Variants in ARMC2 observed in about 807,000 individuals in gnomAD.
The protein encoded by ARMC2 is armadillo repeat containing 2.
A neutral mutation model predicts 90.3 loss-of-function variants in ARMC2; 67 were observed. The observed-to-expected ratio is 0.74, with a 90% CI of 0.61 to 0.91. The LOEUF (loss-of-function observed/expected upper bound fraction) is 0.91, where lower values mean the gene tolerates loss of function less well. ARMC2 is among the 40% of genes least tolerant of loss of function. The pLI, the probability that ARMC2 is intolerant of heterozygous loss-of-function variation, is 0.00. For synonymous variants in ARMC2, 393 were observed against 393.0 expected, an observed-to-expected ratio of 1.00 and a Z score of 0.00; for missense variants, 920 against 1,030.9, an observed-to-expected ratio of 0.89 and a Z score of 1.47.
chr6:109,046,721 G>A, the ARMC2 span, among the ~76,000 whole-genome samples: 1 of 135,204 alleles, frequency 7.4e-6, no homozygotes, highest in Non-Finnish European at 1.6e-5. Flanking sequence ...TGTGGGGAGC[G>A]CCTCTGCCCC....
chr6:109,008,258 TC>T, the ARMC2 span, among the ~76,000 whole-genome samples: 3 of 152,176 alleles, frequency 2.0e-5, no homozygotes, highest in African/African-American at 7.2e-5. Flanking sequence ...GGGGCTCACT[TC>T]TACTCAAAAA....
At chr6:108,987,676 C>A in the ARMC2 span, 1 of 1,054,344 alleles carries the variant, frequency 9.5e-7, no homozygotes, top group Non-Finnish European at 1.5e-6. Flanking sequence ...TACAAGCATT[C>A]ACAATCAGTT....
chr6:108,964,336 T>A (rs772851463), intron 16 of ARMC2, 24 bp downstream of exon 16: 2 of 1,608,120 alleles, frequency 1.2e-6, no homozygotes, highest in Non-Finnish European at 1.7e-6. Context: ...CGTAGAGTAC[T>A]GACTCTCTCA....
chr6:108,955,091 T>C (rs1329860769), intron 13 of ARMC2, among the ~76,000 whole-genome samples: 1 of 152,172 alleles, frequency 6.6e-6, no homozygotes, highest in African/African-American at 2.4e-5. Context: ...TCTGACCTCA[T>C]TTAACCTTTA....
At chr6:108,883,264 A>G (rs2128446049) in intron 5 of ARMC2, among the ~76,000 whole-genome samples, 1 of 152,378 alleles carries the variant, frequency 6.6e-6, no homozygotes, top group South Asian at 2.1e-4. Flanking sequence ...CAGAAGCAAC[A>G]GATAGACACT....
At chr6:108,986,302 T>TTGTA in the ARMC2 span, 1 of 152,490 alleles carries the variant, frequency 6.6e-6, no homozygotes, top group Non-Finnish European at 1.5e-5. Flanking sequence ...CCACTCCTCT[T>TTGTA]TGTATGTTTC....
rs547311171 is a variant in ARMC2 at position 108,937,888 on chromosome 6, A to G, written c.1596+889A>G. On this transcript the variant is annotated intron_variant, in intron 12 of 17. Transcript: ENST00000392644. ...TGTTTTTGTACTTTTAGTAGAGACG[A>G]GGTTTCACCGTGTTAGCCAGGATGG... Among the ~76,000 whole-genome samples the G allele has an allele frequency of 2.4e-3, 361 of 151,832 alleles. 3 individuals are homozygous for G. The highest frequency in any genetic ancestry group is 8.4e-3 in the African/African-American group (346 of 41,310).
At chr6:109,005,451 CCAGATTGA>C in the ARMC2 span, among the ~76,000 whole-genome samples, 3 of 152,000 alleles carry the variant, frequency 2.0e-5, no homozygotes, top group Non-Finnish European at 4.4e-5. Flanking sequence ...AAAAATGTGG[CCAGATTGA>C]CAGCACATAG....
chr6:108,997,691 G>T, the ARMC2 span, among the ~76,000 whole-genome samples: 1 of 152,082 alleles, frequency 6.6e-6, no homozygotes. Context: ...TAAATTAAAG[G>T]CAATTCAACC....
Position 108,973,716 on chromosome 6 carries a change from T to G in ARMC2, c.*202T>G. On this transcript the variant is annotated 3_prime_UTR_variant, in exon 18 of 18. Transcript: ENST00000392644. ...TGGAAAAATGAATATACACATTATA[T>G]TTCCTGTTGAGAGAAATGTAAGATG... 1 of 428,702 alleles carries G rather than the reference T, an allele frequency of 2.3e-6. No homozygotes were observed. The highest frequency in any genetic ancestry group is 4.1e-6 in the Non-Finnish European group (1 of 246,096). The allele number at this position is 428,702 out of a possible 1,614,324, so 26.6% of individuals were successfully genotyped here.
At chr6:108,865,649 T>C (rs1775739024) in intron 3 of ARMC2, among the ~76,000 whole-genome samples, 1 of 152,224 alleles carries the variant, frequency 6.6e-6, no homozygotes, top group African/African-American at 2.4e-5. Context: ...TGTGGGACTT[T>C]GCTCTTGCCC....
downstream of ARMC2, among the ~76,000 whole-genome samples, chr6:108,977,927 T>G (rs1779016355): frequency 6.6e-6 from 1 of 152,206 alleles, no homozygotes; most frequent in African/African-American, 2.4e-5. Context: ...CTATTTATTT[T>G]GTTGATCTTT....
chr6:108,871,271 T>A (rs528164671), intron 4 of ARMC2, among the ~76,000 whole-genome samples: 2 of 152,126 alleles, frequency 1.3e-5, no homozygotes, highest in South Asian at 4.2e-4. Flanking sequence ...TTACTTGTAG[T>A]GAAAAGATAG....
At chr6:108,919,646 C>G (rs917607692) in intron 10 of ARMC2, among the ~76,000 whole-genome samples, 1 of 152,068 alleles carries the variant, frequency 6.6e-6, no homozygotes, top group African/African-American at 2.4e-5. Flanking sequence ...AATCTACATC[C>G]AATAAAATGC....
the ARMC2 span, among the ~76,000 whole-genome samples, chr6:109,014,006 CT>C: frequency 1.7e-3 from 245 of 143,378 alleles, no homozygotes; most frequent in African/African-American, 2.5e-3. Context: ...TTGCTCTATA[CT>C]TTTTTTTTTT....
chr6:109,023,218 C>A, the ARMC2 span, among the ~76,000 whole-genome samples: 2 of 152,210 alleles, frequency 1.3e-5, no homozygotes, highest in African/African-American at 4.8e-5. Flanking sequence ...TTCCATTTAT[C>A]TACTTATGGT....
chr6:108,968,478 G>A (rs1778530783), intron 17 of ARMC2, among the ~76,000 whole-genome samples: 1 of 152,200 alleles, frequency 6.6e-6, no homozygotes, highest in East Asian at 1.9e-4. Context: ...GGTTTCTCAC[G>A]TGAGCTCCTC....
chr6:108,858,954 G>T (rs373047567), intron 3 of ARMC2, among the ~76,000 whole-genome samples: 8 of 152,018 alleles, frequency 5.3e-5, no homozygotes, highest in Admixed American at 2.6e-4. Context: ...ATCACAATGC[G>T]TTCACCTTTT....
chr6:109,013,524 A>C, the ARMC2 span, among the ~76,000 whole-genome samples: 1 of 152,222 alleles, frequency 6.6e-6, no homozygotes, highest in Non-Finnish European at 1.5e-5. Context: ...AAGTATAATC[A>C]ATTCATGACA....
Sources: allele counts gnomAD v4.1 joint callset (sites outside exome capture counted in the v4.1 genomes callset), GRCh38; gene constraint gnomAD v4.1.1; transcripts MANE v1.5; gene names NCBI Gene and HGNC (gene_info 2026-07-23, HGNC 2026-07-21).